Variants in TMEM178B observed in about 807,000 individuals in gnomAD.
The protein encoded by TMEM178B is transmembrane protein 178B.
A neutral mutation model predicts 31.0 loss-of-function variants in TMEM178B; 5 were observed. That is an observed-to-expected ratio of 0.16 (90% CI 0.08 to 0.34). The LOEUF (loss-of-function observed/expected upper bound fraction) is 0.34, where lower values mean the gene tolerates loss of function less well. Ranked by LOEUF, TMEM178B falls within the 10% of genes least tolerant of loss-of-function variation. The probability of loss-of-function intolerance (pLI) is 1.00; values close to 1 mark genes in which losing one functional copy is unlikely to be tolerated. For missense variants in TMEM178B, 275 were observed against 400.3 expected (o/e 0.69, Z 2.67); for synonymous variants, 164 against 164.0 (o/e 1.00, Z 0.00).
At chr7:141,099,761 A>G (rs1316442793) in intron 1 of TMEM178B, among the ~76,000 whole-genome samples, 2 of 151,910 alleles carry the variant, frequency 1.3e-5, no homozygotes, top group Admixed American at 1.3e-4. Context: ...TGACTCCTAT[A>G]TCCAGCTCTG....
intron 2 of TMEM178B, among the ~76,000 whole-genome samples, chr7:141,341,018 A>G (rs1799507218): frequency 1.3e-5 from 2 of 152,252 alleles, no homozygotes; most frequent in South Asian, 4.1e-4. Flanking sequence ...CAGCCAAAAA[A>G]TATTGAGGGA....
intron 1 of TMEM178B, among the ~76,000 whole-genome samples, chr7:141,108,830 G>A (rs1171712918): frequency 6.6e-6 from 1 of 152,140 alleles, no homozygotes; most frequent in Non-Finnish European, 1.5e-5. Flanking sequence ...GTATTAGTCC[G>A]TTTTCTTGCT....
chr7:141,097,640 G>A (rs1356570251), intron 1 of TMEM178B, among the ~76,000 whole-genome samples: 1 of 151,504 alleles, frequency 6.6e-6, no homozygotes, highest in Non-Finnish European at 1.5e-5. Flanking sequence ...GAAATCTTTA[G>A]CATTTTCATC....
chr7:141,281,975 C>A (rs1798372539), intron 2 of TMEM178B, among the ~76,000 whole-genome samples: 1 of 152,030 alleles, frequency 6.6e-6, no homozygotes, highest in African/African-American at 2.4e-5. Context: ...TTTTGAATGA[C>A]CATTTTGCTG....
In TMEM178B at chr7:141,131,101, T is replaced by G. The variant is rs1422547178; in HGVS notation, c.382+56409T>G. Among the ~76,000 whole-genome samples the G allele has an allele frequency of 2.0e-5, 3 of 152,324 alleles. No individual in the cohort carries two copies. In the East Asian group the frequency reaches 5.8e-4, roughly 29 times the overall value. On this transcript the variant is annotated intron_variant, in intron 1 of 3. Coordinates refer to ENST00000565468, the MANE Select transcript of TMEM178B (RefSeq NM_001195278.2). ...CTGCTTTTTTACAGGAGAGCTATTT[T>G]CTGAAAGATTATTTGTGACCAAGTT...
intron 1 of TMEM178B, among the ~76,000 whole-genome samples, chr7:141,148,991 G>GCCA (rs1240669593): frequency 6.6e-6 from 1 of 152,178 alleles, no homozygotes; most frequent in Non-Finnish European, 1.5e-5. Flanking sequence ...TGTGGCTGTG[G>GCCA]CATGAAGATG....
At chr7:141,498,506 T>C in the TMEM178B span, among the ~76,000 whole-genome samples, 1 of 152,242 alleles carries the variant, frequency 6.6e-6, no homozygotes, top group Admixed American at 6.5e-5. Context: ...CTTAATATGT[T>C]CAGCCTCAAA....
intron 2 of TMEM178B, among the ~76,000 whole-genome samples, chr7:141,255,808 G>C (rs1269430503): frequency 6.6e-6 from 1 of 151,894 alleles, no homozygotes; most frequent in Admixed American, 6.6e-5. Context: ...TCTCACCTTG[G>C]CCCCCCAAAG....
At chr7:141,282,651 C>G (rs1024499823) in intron 2 of TMEM178B, among the ~76,000 whole-genome samples, 3 of 152,154 alleles carry the variant, frequency 2.0e-5, no homozygotes, top group African/African-American at 7.2e-5. Flanking sequence ...TAAGCCTTAT[C>G]GCATGAGAGG....
At chr7:141,315,945 G>T (rs563622477) in intron 2 of TMEM178B, among the ~76,000 whole-genome samples, 9 of 152,152 alleles carry the variant, frequency 5.9e-5, no homozygotes, top group Non-Finnish European at 1.2e-4. Context: ...AAATAGTGCT[G>T]TTTATCGTTT....
intron 2 of TMEM178B, among the ~76,000 whole-genome samples, chr7:141,347,164 A>T (rs1799634459): frequency 6.6e-6 from 1 of 152,204 alleles, no homozygotes; most frequent in South Asian, 2.1e-4. Context: ...TCTTTTCTTC[A>T]TAAATTATCC....
intron 2 of TMEM178B, among the ~76,000 whole-genome samples, chr7:141,412,325 C>T (rs1015454777): frequency 2.0e-5 from 3 of 152,100 alleles, no homozygotes; most frequent in Non-Finnish European, 2.9e-5. Context: ...AGTGCAGGAA[C>T]GAAGTGTAAA....
rs571726353 is a variant in TMEM178B, at chr7:141,285,251, C to T, written c.496+72547C>T. The stretch of plus-strand genomic sequence containing the variant: ...CTTCAAGCTCTGCCTCCCGGATTCA[C>T]GCCATTCTCCTGCCTCAGCCTCCCG... On this transcript the variant is annotated intron_variant, in intron 2 of 3. Coordinates refer to ENST00000565468, the MANE Select transcript of TMEM178B (RefSeq NM_001195278.2). Among the ~76,000 whole-genome samples the T allele has an allele frequency of 4.7e-5, 7 of 149,406 alleles. No individual in the cohort carries two copies. In the South Asian group the frequency reaches 1.1e-3, roughly 23 times the overall value.
intron 2 of TMEM178B, among the ~76,000 whole-genome samples, chr7:141,390,644 T>C (rs1207871206): frequency 6.6e-6 from 1 of 152,262 alleles, no homozygotes; most frequent in Non-Finnish European, 1.5e-5. Context: ...CCTGCCCCGT[T>C]CTGACACGAC....
At chr7:141,267,198 T>C (rs991039060) in intron 2 of TMEM178B, among the ~76,000 whole-genome samples, 1 of 152,254 alleles carries the variant, frequency 6.6e-6, no homozygotes, top group Non-Finnish European at 1.5e-5. Flanking sequence ...TTCTTGGTTC[T>C]GTCTCCTGGT....
At chr7:141,194,908 G>A (rs375757253) in intron 1 of TMEM178B, among the ~76,000 whole-genome samples, 25 of 152,302 alleles carry the variant, frequency 1.6e-4, no homozygotes, top group East Asian at 3.9e-4. Context: ...TCAACACCAC[G>A]TGGAAGCTGC....
intron 1 of TMEM178B, among the ~76,000 whole-genome samples, chr7:141,161,751 TGA>T (rs1448368592): frequency 6.6e-6 from 1 of 151,406 alleles, no homozygotes; most frequent in African/African-American, 2.4e-5. Context: ...TCTGTATAGG[TGA>T]GAGAGTGGGT....
intron 2 of TMEM178B, among the ~76,000 whole-genome samples, chr7:141,367,093 G>A (rs1054488242): frequency 1.3e-5 from 2 of 149,914 alleles, no homozygotes; most frequent in Non-Finnish European, 3.0e-5. Context: ...CAGGGGGGAG[G>A]GGTGGGGGGG....
chr7:141,233,112 C>G (rs753937043), intron 2 of TMEM178B, among the ~76,000 whole-genome samples: 1 of 152,208 alleles, frequency 6.6e-6, no homozygotes, highest in East Asian at 1.9e-4. Flanking sequence ...CTTCCCTGCT[C>G]CTCTCTCCAA....
Sources: allele counts gnomAD v4.1 joint callset (sites outside exome capture counted in the v4.1 genomes callset), GRCh38; gene constraint gnomAD v4.1.1; transcripts MANE v1.5; gene names NCBI Gene and HGNC (gene_info 2026-07-23, HGNC 2026-07-21).